The following LNX1 variants were observed in gnomAD, a reference collection of about 807,000 sequenced individuals.
The protein encoded by LNX1 is ligand of numb-protein X 1, also known as E3 ubiquitin-protein ligase LNX.
A neutral mutation model predicts 68.4 loss-of-function variants in LNX1; 54 were observed. The ratio of observed to expected loss-of-function variants is 0.79; its 90% CI spans 0.63 to 0.99. LNX1 has a LOEUF of 0.99. Ranked by LOEUF, LNX1 falls within the 50% of genes least tolerant of loss-of-function variation. The pLI is 0.00. For missense variants in LNX1, 906 were observed against 926.4 expected (o/e 0.98, Z 0.29); for synonymous variants, 336 against 350.0 (o/e 0.96, Z 0.45).
At chr4:53,579,078 C>T (rs1346742250) in intron 1 of LNX1, among the ~76,000 whole-genome samples, 1 of 152,142 alleles carries the variant, frequency 6.6e-6, no homozygotes, top group South Asian at 2.1e-4. Context: ...GCTAGTTTCT[C>T]CCACCAAAAG....
At chr4:53,643,258 T>G (rs1017215251) in intron 1 of LNX1, among the ~76,000 whole-genome samples, 1 of 152,028 alleles carries the variant, frequency 6.6e-6, no homozygotes, top group Non-Finnish European at 1.5e-5. Context: ...TCAAGCAATC[T>G]TCCCACCTCA....
At chr4:53,510,638 A>G (rs757539859) in intron 2 of LNX1, among the ~76,000 whole-genome samples, 28 of 152,366 alleles carry the variant, frequency 1.8e-4, no homozygotes, top group Non-Finnish European at 2.9e-4. Flanking sequence ...AATAAAAGCC[A>G]ACTTGCATTT....
At chr4:53,639,597 C>T (rs1734602987) in intron 1 of LNX1, among the ~76,000 whole-genome samples, 1 of 152,138 alleles carries the variant, frequency 6.6e-6, no homozygotes, top group Non-Finnish European at 1.5e-5. Flanking sequence ...CACAGGAACC[C>T]AACTTCATTC....
At chr4:53,617,094 A>T (rs1202408957) in intron 1 of LNX1, among the ~76,000 whole-genome samples, 1 of 152,236 alleles carries the variant, frequency 6.6e-6, no homozygotes, top group Non-Finnish European at 1.5e-5. Flanking sequence ...AAACTATAAT[A>T]CAAAAGCAGC....
At chr4:53,499,898 G>A (rs1355780286) in intron 4 of LNX1, among the ~76,000 whole-genome samples, 1 of 152,158 alleles carries the variant, frequency 6.6e-6, no homozygotes, top group African/African-American at 2.4e-5. Context: ...ATCTAGGCTG[G>A]TGTTTTCAAA....
chr4:53,507,282 C>G (rs1368280932), intron 4 of LNX1, 35 bp downstream of exon 4: 1 of 1,602,596 alleles, frequency 6.2e-7, no homozygotes. Flanking sequence ...GAAGCCCAGC[C>G]CATGTCCATC....
upstream of LNX1, among the ~76,000 whole-genome samples, chr4:53,593,231 C>T (rs1476444168): frequency 6.6e-6 from 1 of 151,856 alleles, no homozygotes; most frequent in Non-Finnish European, 1.5e-5. Context: ...CAGGGTGTCC[C>T]CTGGGCAAGG....
chr4:53,481,941 TA>T, intron 6 of LNX1, 87 bp from the exon 7 acceptor site: 1 of 1,409,656 alleles, frequency 7.1e-7, no homozygotes, highest in Non-Finnish European at 9.4e-7. Context: ...TCACTTTGAT[TA>T]TACCATTTTT....
intron 1 of LNX1, among the ~76,000 whole-genome samples, chr4:53,585,130 G>C (rs1732082610): frequency 6.6e-6 from 1 of 152,198 alleles, no homozygotes; most frequent in African/African-American, 2.4e-5. Context: ...TCAGGATTCA[G>C]TGGAGTGATC....
intron 2 of LNX1, among the ~76,000 whole-genome samples, chr4:53,509,102 C>A (rs1268691134): frequency 6.6e-6 from 1 of 152,164 alleles, no homozygotes; most frequent in Non-Finnish European, 1.5e-5. Flanking sequence ...CACTGCCACT[C>A]GGCAAGTCAT....
chr4:53,484,601 C>G (rs1724165081), intron 6 of LNX1, among the ~76,000 whole-genome samples: 1 of 152,028 alleles, frequency 6.6e-6, no homozygotes, highest in South Asian at 2.1e-4. Flanking sequence ...AAACCATCCA[C>G]CAATGAAACA....
At chr4:53,530,500 C>T (rs763034633) in intron 2 of LNX1, among the ~76,000 whole-genome samples, 11 of 152,132 alleles carry the variant, frequency 7.2e-5, no homozygotes, top group Non-Finnish European at 1.2e-4. Context: ...TGATAACATC[C>T]ATTGCATATA....
At chr4:53,588,678 G>A (rs192903046) in intron 1 of LNX1, among the ~76,000 whole-genome samples, 5 of 152,178 alleles carry the variant, frequency 3.3e-5, no homozygotes, top group Non-Finnish European at 5.9e-5. Context: ...CCATTTTAGC[G>A]TCCTTTGGGG....
At chr4:53,635,280 A>T (rs1734429643) in intron 1 of LNX1, among the ~76,000 whole-genome samples, 1 of 152,148 alleles carries the variant, frequency 6.6e-6, no homozygotes, top group African/African-American at 2.4e-5. Context: ...GAGAGAAGGA[A>T]AGCACTGACG....
chr4:53,591,443 T>A lies in LNX1; in HGVS notation c.-142A>T, dbSNP rs73147492. ...GCAGCAGCAGGCAGGCAGCTCTCATTCCTTGTGGGTGAACCGAGCAGCTCC... is the reference window on the plus strand; with the variant it reads ...GCAGCAGCAGGCAGGCAGCTCTCATACCTTGTGGGTGAACCGAGCAGCTCC... On this transcript the variant is annotated 5_prime_UTR_variant, in exon 1 of 11. Transcript: ENST00000263925. The A allele has an allele frequency of 2.0e-3, 1,997 of 985,650 alleles. 25 individuals are homozygous for A. In the African/African-American group the frequency reaches 0.033, roughly 16 times the overall value. The allele number at this position is 985,650 out of a possible 1,614,324, so 61.1% of individuals were successfully genotyped here.
intron 2 of LNX1, among the ~76,000 whole-genome samples, chr4:53,534,637 G>A (rs1290964853): frequency 6.6e-6 from 1 of 152,138 alleles, no homozygotes; most frequent in East Asian, 1.9e-4. Flanking sequence ...GCAACACCCT[G>A]TCTCTAAAAA....
rs1236467180 is a variant in LNX1, at chr4:53,573,929, T to C, written c.74A>G (p.Glu25Gly). 1 of 1,613,742 alleles carries C rather than the reference T, an allele frequency of 6.2e-7. No individual in the cohort carries two copies. The highest frequency in any genetic ancestry group is 1.7e-5 in the Admixed American group (1 of 59,988). ...CTCTGGATAGCTGTAGAAGTGGTTT[T>C]CCTCCAAGGAGTGGGCTTGGCCACA... ...AVCGQAHSLEENHFYSYPEEV... is the reference protein window; with the variant it reads ...AVCGQAHSLEGNHFYSYPEEV... Residue 25 changes from glutamate to glycine, a missense_variant, in exon 2 of 11, where the codon GAA (glutamate) becomes GGA (glycine). Glu to Gly is a moderately conservative substitution (Grantham distance 98). Transcript: ENST00000263925.
rs1298790769 is a variant in LNX1, at chr4:53,635,648, T to C, written c.-215+16520A>G. ...GTATGATTTGATCAATTAAATCAGT[T>C]TAATGATTCTATGCAACTCATGAAA... On this transcript the variant is annotated intron_variant, in intron 1 of 2. Transcript: ENST00000507168. 2.6e-5 allele frequency among the ~76,000 whole-genome samples: 4 copies of C among 152,146 alleles called. No individual in the cohort carries two copies. In the East Asian group the frequency reaches 7.7e-4, roughly 29 times the overall value.
intron 9 of LNX1, among the ~76,000 whole-genome samples, chr4:53,465,282 C>T (rs908076243): frequency 2.0e-5 from 3 of 152,166 alleles, no homozygotes; most frequent in African/African-American, 7.2e-5. Context: ...ATGGTTCAAA[C>T]ATTTTTGACA....
Sources: gnomAD v4.1 joint callset for allele counts (sites outside exome capture counted in the v4.1 genomes callset) on GRCh38, gnomAD v4.1.1 for gene constraint, MANE v1.5 for transcripts, NCBI Gene and HGNC (gene_info 2026-07-23, HGNC 2026-07-21) for gene names.